The following SASH1 variants were observed in gnomAD, a reference collection of about 807,000 sequenced individuals.
SASH1 encodes SAM and SH3 domain containing 1.
SASH1 carries 44 observed loss-of-function variants against 125.2 expected under a neutral mutation model. The observed-to-expected ratio is 0.35, with a 90% CI of 0.28 to 0.45. The LOEUF (loss-of-function observed/expected upper bound fraction) is 0.45, where lower values mean the gene tolerates loss of function less well. Ranked by LOEUF, SASH1 falls within the 20% of genes least tolerant of loss-of-function variation. The pLI, the probability that SASH1 is intolerant of heterozygous loss-of-function variation, is 1.00. For synonymous variants in SASH1, 639 were observed against 649.1 expected (o/e 0.98, Z 0.24); for missense variants, 1,426 against 1,614.5 (o/e 0.88, Z 2.00).
At chr6:148,213,255 C>A in the SASH1 span, among the ~76,000 whole-genome samples, 72 of 152,198 alleles carry the variant, frequency 4.7e-4, no homozygotes, top group African/African-American at 1.7e-3. Context: ...ATGAGAAGAA[C>A]CCTCTCTGTG....
intron 1 of SASH1, among the ~76,000 whole-genome samples, chr6:148,310,137 C>T (rs961327590): frequency 2.0e-5 from 3 of 152,082 alleles, no homozygotes; most frequent in Admixed American, 6.6e-5. Flanking sequence ...GCCTGGCTAA[C>T]GTGGTGAAAC....
intron 1 of SASH1, among the ~76,000 whole-genome samples, chr6:148,388,455 G>A (rs1475975114): frequency 6.6e-6 from 1 of 152,230 alleles, no homozygotes; most frequent in Non-Finnish European, 1.5e-5. Context: ...GTGAAGGGGT[G>A]ACTTTTGTCC....
Position 148,550,437 on chromosome 6 carries a change from T to A in SASH1, c.*1879T>A, listed in dbSNP as rs1210884776. The A allele has an allele frequency of 6.6e-6, 1 of 152,228 alleles. No homozygotes were observed. The highest frequency in any genetic ancestry group is 1.5e-5 in the Non-Finnish European group (1 of 68,042). The allele number at this position is 152,228 out of a possible 1,614,324, so 9.4% of individuals were successfully genotyped here. On this transcript the variant is annotated 3_prime_UTR_variant, in exon 20 of 20. Coordinates refer to ENST00000367467, the MANE Select transcript of SASH1 (RefSeq NM_015278.5). Reference sequence around the variant, plus strand: ...AGCATATTGCTTATGTCTGGATCCATGTTTCTGAGGAAAAAGACATTCTCA... The same window carrying A: ...AGCATATTGCTTATGTCTGGATCCAAGTTTCTGAGGAAAAAGACATTCTCA...
intron 2 of SASH1, among the ~76,000 whole-genome samples, chr6:148,437,974 A>G (rs1776365814): frequency 6.6e-6 from 1 of 152,232 alleles, no homozygotes; most frequent in South Asian, 2.1e-4. Context: ...ATGCAGATAA[A>G]TAAAAGAAGA....
At chr6:148,379,272 C>G (rs1783036398) in intron 1 of SASH1, among the ~76,000 whole-genome samples, 1 of 152,150 alleles carries the variant, frequency 6.6e-6, no homozygotes, top group Non-Finnish European at 1.5e-5. Flanking sequence ...CTTTTAGTCA[C>G]CCAGGGTAGC....
chr6:148,398,174 T>C (rs1279009767), intron 2 of SASH1, among the ~76,000 whole-genome samples: 1 of 152,216 alleles, frequency 6.6e-6, no homozygotes, highest in Non-Finnish European at 1.5e-5. Context: ...GGCTGTTCTT[T>C]CACAGGTCCT....
chr6:148,329,350 C>A (rs1250087731), intron 1 of SASH1, among the ~76,000 whole-genome samples: 6 of 152,172 alleles, frequency 3.9e-5, no homozygotes. Flanking sequence ...GATTTCAAAC[C>A]TCATTCAGGC....
intron 12 of SASH1, 107 bp from the exon 13 acceptor site, chr6:148,531,419 G>T (rs1781508486): frequency 1.1e-6 from 1 of 947,358 alleles, no homozygotes; most frequent in East Asian, 2.9e-5. Context: ...TCAAATATAG[G>T]TATAGATTGA....
chr6:148,380,867 T>C (rs1783102974), intron 1 of SASH1, among the ~76,000 whole-genome samples: 1 of 152,210 alleles, frequency 6.6e-6, no homozygotes, highest in Admixed American at 6.5e-5. Context: ...TGCATTAAAA[T>C]AAACTAATGG....
At chr6:148,231,282 G>GT in the SASH1 span, among the ~76,000 whole-genome samples, 3 of 152,146 alleles carry the variant, frequency 2.0e-5, no homozygotes. Flanking sequence ...GCAATCAATT[G>GT]ACCATACATG....
chr6:148,355,396 A>T (rs893507032), intron 1 of SASH1, among the ~76,000 whole-genome samples: 1 of 151,484 alleles, frequency 6.6e-6, no homozygotes, highest in Non-Finnish European at 1.5e-5. Context: ...ATTTGCCTTG[A>T]TTAGAGGATT....
chr6:148,483,059 GTATCT>G (rs1394683414), intron 7 of SASH1, among the ~76,000 whole-genome samples: 2 of 152,120 alleles, frequency 1.3e-5, no homozygotes, highest in East Asian at 3.9e-4. Context: ...GGACTCTTGT[GTATCT>G]TAGTCTATTT....
Position 148,543,723 on chromosome 6 carries a change from C to A in SASH1, c.2253C>A (p.Thr751=). ...KASLLSAKSS[T]EPSLKSFSRN... ...GCCTCCTATCTGCCAAGTCATCCAC[C>A]GAGCCCAGCTTGAAGTCTTTTAGCA... Residue 751 remains threonine, a synonymous_variant, in exon 18 of 20, where the codon ACC becomes ACA. Coordinates refer to ENST00000367467, the MANE Select transcript of SASH1 (RefSeq NM_015278.5). 6.3e-7 allele frequency: 1 copy of A among 1,580,092 alleles called. No individual in the cohort carries two copies. The highest frequency in any genetic ancestry group is 8.6e-7 in the Non-Finnish European group (1 of 1,160,030).
In SASH1 at chr6:148,326,335, T is replaced by TATATATATATATATATATATATATGC. The variant is rs1780804948; in HGVS notation, n.74+53980_74+53981insATGCATATATATATATATATATATAT. Among the ~76,000 whole-genome samples, 96 of 67,120 alleles carry TATATATATATATATATATATATATGC rather than the reference T, an allele frequency of 1.4e-3. 3 individuals are homozygous for TATATATATATATATATATATATATGC. The highest frequency in any genetic ancestry group is 2.5e-3 in the Non-Finnish European group (83 of 33,688). 44.0% of individuals were successfully genotyped at this position (67,120 alleles called of 152,430 possible). Reference sequence around the variant, plus strand: ...GAGCCACCGCATGCATATATATATATATATATATATATATATATATATGCA... The same window carrying TATATATATATATATATATATATATGC: ...GAGCCACCGCATGCATATATATATATATATATATATATATATATATATATGCATATATATATATATATATATATGCA... On this transcript the variant is annotated intron_variant and non_coding_transcript_variant, in intron 1 of 3. Transcript: ENST00000367469.
chr6:148,251,757 T>C, the SASH1 span, among the ~76,000 whole-genome samples: 1 of 151,954 alleles, frequency 6.6e-6, no homozygotes, highest in Non-Finnish European at 1.5e-5. Context: ...TATGTATACA[T>C]GTGCCATACT....
chr6:148,431,447 C>T (rs1776057664), intron 2 of SASH1, among the ~76,000 whole-genome samples: 1 of 152,140 alleles, frequency 6.6e-6, no homozygotes, highest in Non-Finnish European at 1.5e-5. Context: ...GATCCACCCA[C>T]CTCAACCTCC....
the SASH1 span, among the ~76,000 whole-genome samples, chr6:148,199,934 T>A: frequency 2.0e-5 from 3 of 152,150 alleles, no homozygotes; most frequent in African/African-American, 7.2e-5. Context: ...ACTGATATTC[T>A]GAATATCAAC....
intron 1 of SASH1, among the ~76,000 whole-genome samples, chr6:148,364,260 A>G (rs373503998): frequency 1.3e-5 from 2 of 152,128 alleles, no homozygotes; most frequent in Non-Finnish European, 1.5e-5. Flanking sequence ...GGAAAAGGAA[A>G]GTTTTCACGT....
At chr6:148,229,153 A>AAAAAC in the SASH1 span, among the ~76,000 whole-genome samples, 1 of 151,476 alleles carries the variant, frequency 6.6e-6, no homozygotes, top group African/African-American at 2.4e-5. Flanking sequence ...AAAAAAAAAA[A>AAAAAC]AAAACACTTA....
Sources: allele counts gnomAD v4.1 joint callset (sites outside exome capture counted in the v4.1 genomes callset), GRCh38; gene constraint gnomAD v4.1.1; transcripts MANE v1.5; gene names NCBI Gene and HGNC (gene_info 2026-07-23, HGNC 2026-07-21).